U2AF2: variants seen among roughly 807,000 people sequenced by gnomAD.
U2AF2 encodes the protein U2 small nuclear RNA auxiliary factor 2.
Under a neutral mutation model 52.6 loss-of-function variants are expected in U2AF2, and 6 were observed. The observed-to-expected ratio is 0.11, with a 90% CI of 0.06 to 0.23. The LOEUF (loss-of-function observed/expected upper bound fraction) is 0.23, where lower values mean the gene tolerates loss of function less well. Ranked by LOEUF, U2AF2 falls within the 10% of genes least tolerant of loss-of-function variation. The probability of loss-of-function intolerance (pLI) is 1.00; values close to 1 mark genes in which losing one functional copy is unlikely to be tolerated. For missense variants in U2AF2, 222 were observed against 677.1 expected, an observed-to-expected ratio of 0.33 and a Z score of 7.46; for synonymous variants, 284 against 258.2, an observed-to-expected ratio of 1.10 and a Z score of -0.96.
At position 55,668,696 on chromosome 19, in the gene U2AF2, G is replaced by A. The variant is rs776390715; in HGVS notation, c.849G>A (p.Gly283=). 6.2e-7 allele frequency: 1 copy of A among 1,613,096 alleles called. No homozygotes were observed. Among genetic ancestry groups the A allele is most frequent in the South Asian group, 1.1e-5 (1 of 91,056 alleles). Residue 283 remains glycine, a synonymous_variant, in exon 9 of 12, where the codon GGG becomes GGA. Transcript: ENST00000308924. The surrounding 1 kb of genome is among the most constrained non-coding windows in gnomAD (Gnocchi z 5.5). The part of the protein sequence containing the change: ...DQVKELLTSF[G]PLKAFNLVKD... ...TCAAAGAGCTGCTGACATCCTTTGG[G>A]CCCCTCAAGGCCTTCAACCTGGTCA...
At chr19:55,658,578 C>T (rs930705318) in intron 1 of U2AF2, among the ~76,000 whole-genome samples, 1 of 152,152 alleles carries the variant, frequency 6.6e-6, no homozygotes, top group Non-Finnish European at 1.5e-5. Context: ...GGGCAAGCTC[C>T]TCCCCTGACC....
chr19:55,656,535 C>T (rs894334371), intron 1 of U2AF2, among the ~76,000 whole-genome samples: 2 of 152,124 alleles, frequency 1.3e-5, no homozygotes, highest in African/African-American at 4.8e-5. Flanking sequence ...TTTCTTGTTA[C>T]CGGATTTTGA....
intron 11 of U2AF2, 55 bp downstream of exon 11, chr19:55,669,747 C>A: frequency 6.6e-7 from 1 of 1,517,252 alleles, no homozygotes; most frequent in Non-Finnish European, 8.8e-7. Context: ...CTCTTCTCCG[C>A]GCCCTCTTTC....
chr19:55,668,508 G>A lies in U2AF2; in HGVS notation c.744G>A (p.Gly248=), dbSNP rs775293468. The part of the protein sequence containing the change: ...MSENPSVYVP[G]VVSTVVPDSA... ...AGTCCTCCTCTTCTCTACCCATAGGGGTTGTGTCCACTGTGGTCCCCGACT... is the reference window on the plus strand; with the variant it reads ...AGTCCTCCTCTTCTCTACCCATAGGAGTTGTGTCCACTGTGGTCCCCGACT... The change falls in exon 8 of 12, where the codon GGG becomes GGA. Residue 248 remains glycine (G), a splice_region_variant and synonymous_variant. Coordinates refer to ENST00000308924, the MANE Select transcript of U2AF2 (RefSeq NM_007279.3). The surrounding 1 kb of genome is among the most constrained non-coding windows in gnomAD (Gnocchi z 5.5). The A allele has an allele frequency of 4.4e-6, 7 of 1,596,370 alleles. No individual in the cohort carries two copies. The Admixed American group carries it at 5.1e-5, about 12-fold the overall frequency.
intron 1 of U2AF2, among the ~76,000 whole-genome samples, chr19:55,657,052 A>C (rs930033118): frequency 2.6e-5 from 4 of 152,224 alleles, no homozygotes; most frequent in Admixed American, 2.6e-4. Context: ...AAAAGCAGGT[A>C]CTGATTCTGA....
At chr19:55,665,932 T>C (rs310438) in intron 7 of U2AF2, among the ~76,000 whole-genome samples, 149,773 of 152,358 alleles carry the variant, frequency 0.98, 73,626 homozygotes, top group African/African-American at 1. Flanking sequence ...CGTGAGCCAC[T>C]GCTCCCGGCC....
At position 55,668,926 on chromosome 19, in the gene U2AF2, G is replaced by A. The variant is rs1984709659; in HGVS notation, c.945+134G>A. 29 of 1,506,140 alleles carry A rather than the reference G, an allele frequency of 1.9e-5. No homozygotes were observed. Among genetic ancestry groups the A allele is most frequent in the Admixed American group, 5.7e-5 (3 of 52,318 alleles). 93.3% of individuals were successfully genotyped at this position (1,506,140 alleles called of 1,614,324 possible). ...GAGGCAGTGCCCTGTGTGTGGGCTC[G>A]TCCCTGTCCCATGGCGTTGGCTTTT... On this transcript the variant is annotated intron_variant, in intron 9 of 11. Transcript: ENST00000308924. This position sits in a 1 kb window ranked among gnomAD's most constrained non-coding sequence, Gnocchi z 5.5.
chr19:55,661,064 C>T lies in U2AF2; in HGVS notation c.361C>T (p.Leu121Phe). The change falls in exon 5 of 12, where the codon CTT becomes TTT. Residue 121 changes from leucine to phenylalanine, a missense_variant. Physicochemically the swap from Leu to Phe is conservative, Grantham distance 22 (BLOSUM62 0). This residue lies in a region of U2AF2 where 35 missense variants were observed against 149.3 expected (regional missense o/e 0.23). Coordinates refer to ENST00000308924, the MANE Select transcript of U2AF2 (RefSeq NM_007279.3). ...TGCGGGTCAGATTCCAGCCACTGCT[C>T]TTCTCCCCACCATGACCCCTGACGG... is the stretch of plus-strand genomic sequence containing the variant. ...QAAGQIPATA[L>F]LPTMTPDGLA... 1 of 1,593,172 alleles carries T rather than the reference C, an allele frequency of 6.3e-7. No homozygotes were observed. The highest frequency in any genetic ancestry group is 8.6e-7 in the Non-Finnish European group (1 of 1,163,664).
intron 5 of U2AF2, 24 bp from the exon 6 acceptor site, chr19:55,662,478 C>A: frequency 1.4e-6 from 2 of 1,425,896 alleles, no homozygotes; most frequent in East Asian, 2.4e-5. Flanking sequence ...CCGCCCCCCC[C>A]CTTGTCTCCT....
Position 55,660,514 on chromosome 19 carries a change from AG to A in U2AF2, c.231-1del. ...CCCGCTCTCCCCTCCCACCTCCCCC[AG>A]TCGTTCCCCCCGCCACGAGAAGAAG... On this transcript the variant is annotated splice_acceptor_variant, in intron 3 of 11. Transcript: ENST00000308924. LOFTEE classifies it high-confidence loss of function. 2 of 299,368 alleles carry A rather than the reference AG, an allele frequency of 6.7e-6. No homozygotes were observed. Among genetic ancestry groups the A allele is most frequent in the Non-Finnish European group, 5.1e-6 (1 of 195,956 alleles). 18.5% of individuals were successfully genotyped at this position (299,368 alleles called of 1,614,324 possible). A position where few individuals can be genotyped will look rare whatever the true frequency, so the allele number is the denominator to read the frequency against.
In U2AF2 at chr19:55,660,932, C is replaced by T; in HGVS notation, c.335-106C>T. The stretch of plus-strand genomic sequence containing the variant: ...TTCTGGAAGGTGCTAAGACCGAGAG[C>T]CTGTAGGAGCTTTCTGCTGAGGAGG... On this transcript the variant is annotated intron_variant, in intron 4 of 11. Transcript: ENST00000308924. 3.4e-6 allele frequency: 5 copies of T among 1,477,872 alleles called. No homozygotes were observed. The South Asian group carries it at 4.3e-5, about 13-fold the overall frequency. 91.5% of individuals were successfully genotyped at this position (1,477,872 alleles called of 1,614,324 possible). A position where few individuals can be genotyped will look rare whatever the true frequency, so the allele number is the denominator to read the frequency against.
chr19:55,661,518 A>G (rs913571591), intron 5 of U2AF2, among the ~76,000 whole-genome samples: 73 of 126,836 alleles, frequency 5.8e-4, no homozygotes, highest in African/African-American at 2.3e-3. Flanking sequence ...ACACACACAC[A>G]CACACACACA....
Position 55,668,307 on chromosome 19 carries a change from C to T in U2AF2, c.743-200C>T, listed in dbSNP as rs563461273. 2.0e-5 allele frequency among the ~76,000 whole-genome samples: 3 copies of T among 152,216 alleles called. No individual in the cohort carries two copies. Among genetic ancestry groups the T allele is most frequent in the South Asian group, 2.1e-4 (1 of 4,828 alleles). On this transcript the variant is annotated intron_variant, in intron 7 of 11. Transcript: ENST00000308924. This position sits in a 1 kb window ranked among gnomAD's most constrained non-coding sequence, Gnocchi z 5.5. ...TTTGGGAGACATGGTGCGTTCTCCC[C>T]GAGGAGCCTCTGTGTGCCACTGCCC...
At position 55,669,626 on chromosome 19, in the gene U2AF2, C is replaced by T. The variant is rs149002438; in HGVS notation, c.1227C>T (p.Tyr409=). 2.7e-3 allele frequency: 4,364 copies of T among 1,613,370 alleles called. 12 individuals are homozygous for T. The highest frequency in any genetic ancestry group is 0.022 in the Middle Eastern group (123 of 5,642). The change falls in exon 11 of 12, where the codon TAC becomes TAT. Residue 409 remains tyrosine (Y), a synonymous_variant. Transcript: ENST00000308924. ...ACGTGCGGGACGAGTGCAGCAAGTA[C>T]GGGCTTGTCAAGTCCATCGAGATCC... ...VEDVRDECSK[Y]GLVKSIEIPR... is the part of the protein sequence containing the mutation.
At chr19:55,659,100 T>C in intron 1 of U2AF2, 110 bp from the exon 2 acceptor site, 1 of 1,362,722 alleles carries the variant, frequency 7.3e-7, no homozygotes, top group Non-Finnish European at 9.6e-7. Flanking sequence ...ATCCCTTCCC[T>C]TTGGGGGTGG....
At chr19:55,662,458 C>CAACCA in intron 5 of U2AF2, 44 bp from the exon 6 acceptor site, 2 of 969,262 alleles carry the variant, frequency 2.1e-6, no homozygotes, top group Non-Finnish European at 3.1e-6. Flanking sequence ...CTCTCTCCAC[C>CAACCA]TCCCTTCCCC....
At chr19:55,655,829 CT>C (rs1294363928) in intron 1 of U2AF2, among the ~76,000 whole-genome samples, 3 of 152,238 alleles carry the variant, frequency 2.0e-5, no homozygotes, top group Admixed American at 6.5e-5. Context: ...CATCTGCATT[CT>C]TTGAGTGTCC....
chr19:55,662,609 C>G lies in U2AF2; in HGVS notation c.594C>G (p.Ala198=), dbSNP rs1410250736. The G allele has an allele frequency of 1.9e-6, 3 of 1,613,334 alleles. No homozygotes were observed. The highest frequency in any genetic ancestry group is 2.2e-5 in the South Asian group (2 of 91,012). The change falls in exon 6 of 12, where the codon GCC becomes GCG. Residue 198 remains alanine, a synonymous_variant. Coordinates refer to ENST00000308924, the MANE Select transcript of U2AF2 (RefSeq NM_007279.3). ...AGATTAACCAGGACAAGAATTTTGC[C>G]TTTTTGGAGGTGAGCTGGGGGAGTG... The part of the protein sequence containing the change: ...AVQINQDKNF[A]FLEFRSVDET...
At chr19:55,670,872 C>T (rs958730137) in intron 11 of U2AF2, 3 of 157,592 alleles carry the variant, frequency 1.9e-5, no homozygotes, top group South Asian at 3.5e-4. Context: ...CCTGGCTTCC[C>T]TGCTGAGCCC....
Sources: gnomAD v4.1 joint callset for allele counts (sites outside exome capture counted in the v4.1 genomes callset) on GRCh38, gnomAD v4.1.1 for gene constraint, gnomAD v4.1.1 regional missense constraint, Gnocchi (gnomAD v3.1) non-coding constraint, MANE v1.5 for transcripts, NCBI Gene and HGNC (gene_info 2026-07-23, HGNC 2026-07-21) for gene names.